Variants in EGF observed in about 807,000 individuals in gnomAD.
EGF encodes pro-epidermal growth factor.
A neutral mutation model predicts 143.8 loss-of-function variants in EGF; 95 were observed. That is an observed-to-expected ratio of 0.66 (90% CI 0.56 to 0.78). EGF has a LOEUF of 0.78. Among genes scored for constraint, EGF ranks in the 30% least tolerant of loss-of-function variants. EGF has a pLI of 0.00. For missense variants in EGF, 1,320 were observed against 1,470.9 expected, an observed-to-expected ratio of 0.90 and a Z score of 1.68; for synonymous variants, 510 against 510.5, an observed-to-expected ratio of 1.00 and a Z score of 0.01.
intron 18 of EGF, among the ~76,000 whole-genome samples, chr4:109,992,169 TTAAAAAAAAA>T (rs1320339758): frequency 3.1e-5 from 2 of 64,100 alleles, no homozygotes; most frequent in African/African-American, 1.4e-4. Context: ...GCAAGATTCT[TTAAAAAAAAA>T]AAAAAAAAAA....
At chr4:109,993,845 C>T (rs1366453326) in intron 19 of EGF, among the ~76,000 whole-genome samples, 1 of 152,176 alleles carries the variant, frequency 6.6e-6, no homozygotes, top group African/African-American at 2.4e-5. Context: ...TTGACTCCTG[C>T]TTCCTGAATC....
chr4:109,963,115 T>A, intron 8 of EGF, 58 bp from the exon 9 acceptor site: 2 of 1,601,280 alleles, frequency 1.2e-6, no homozygotes, highest in South Asian at 1.1e-5. Flanking sequence ...CATCCTTTGA[T>A]GAAAAATAAT....
At chr4:109,984,516 A>G (rs1749849743) in intron 16 of EGF, among the ~76,000 whole-genome samples, 1 of 152,176 alleles carries the variant, frequency 6.6e-6, no homozygotes, top group South Asian at 2.1e-4. Flanking sequence ...TCCCAAGTAT[A>G]TCAAAATCTG....
Position 109,945,146 on chromosome 4 carries a change from A to G in EGF, c.811A>G (p.Ile271Val). Residue 271 changes from isoleucine (I) to valine (V), a missense_variant, in exon 5 of 24, where the codon ATA (isoleucine) becomes GTA (valine). By Grantham distance (29) the Ile-to-Val change is conservative. Coordinates refer to ENST00000265171, the MANE Select transcript of EGF (RefSeq NM_001963.6). The stretch of plus-strand genomic sequence containing the variant: ...AACATGGAAAATGAAGACAATTTGG[A>G]TAGCCAACAAACACACTGGAAAGGA... ...YSTWKMKTIW[I>V]ANKHTGKDMV... 6.2e-7 allele frequency: 1 copy of G among 1,614,144 alleles called. No homozygotes were observed. Among genetic ancestry groups the G allele is most frequent in the South Asian group, 1.1e-5 (1 of 91,082 alleles).
chr4:110,004,231 C>CACACAA, intron 21 of EGF: 1 of 461,892 alleles, frequency 2.2e-6, no homozygotes, highest in Non-Finnish European at 4.0e-6. Flanking sequence ...CACACACACA[C>CACACAA]ACACACACAC....
intron 5 of EGF, 49 bp from the exon 6 acceptor site, chr4:109,959,263 C>T (rs902406324): frequency 1.9e-6 from 3 of 1,612,340 alleles, no homozygotes; most frequent in East Asian, 2.2e-5. Context: ...TTAGCAGTGT[C>T]CTCTGTCAAA....
intron 1 of EGF, among the ~76,000 whole-genome samples, chr4:109,937,249 G>A (rs746494225): frequency 1.3e-5 from 2 of 151,900 alleles, no homozygotes; most frequent in Non-Finnish European, 2.9e-5. Context: ...AGGCTACTTA[G>A]TTCTTCTTGC....
chr4:109,917,517 T>A (rs1167671627), intron 1 of EGF, among the ~76,000 whole-genome samples: 1 of 152,140 alleles, frequency 6.6e-6, no homozygotes, highest in Non-Finnish European at 1.5e-5. Context: ...AATTTCAATT[T>A]TTACTTTACA....
chr4:110,001,826 A>G (rs1223880255), intron 21 of EGF: 1 of 985,246 alleles, frequency 1.0e-6, no homozygotes, highest in South Asian at 4.7e-5. Context: ...GCTCATCAGA[A>G]CCCTTTCTTT....
intron 21 of EGF, among the ~76,000 whole-genome samples, chr4:110,002,960 C>T (rs1348919014): frequency 6.6e-6 from 1 of 152,160 alleles, no homozygotes; most frequent in African/African-American, 2.4e-5. Flanking sequence ...TAATAGCCTC[C>T]AGCTCCATCC....
In EGF at chr4:109,916,226, A is replaced by T. The variant is rs2282782; in HGVS notation, c.127+2764A>T. Among the ~76,000 whole-genome samples, 1,983 of 152,280 alleles carry T rather than the reference A, an allele frequency of 0.013. 208 individuals are homozygous for T. In the East Asian group the frequency reaches 0.23, roughly 18 times the overall value. On this transcript the variant is annotated intron_variant, in intron 1 of 23. Transcript: ENST00000265171. ...CCGGCTAAGGCGTGGTCAGCATCCCAGTCATGTGCAAACCAGAGTAATTCT... is the reference window on the plus strand; with the variant it reads ...CCGGCTAAGGCGTGGTCAGCATCCCTGTCATGTGCAAACCAGAGTAATTCT...
intron 1 of EGF, among the ~76,000 whole-genome samples, chr4:109,918,802 G>A (rs893288323): frequency 1.3e-5 from 2 of 152,150 alleles, no homozygotes; most frequent in Non-Finnish European, 2.9e-5. Context: ...ACATCCCAGC[G>A]CTTCCAACAA....
chr4:109,959,812 CAA>C (rs1745402232), intron 6 of EGF, among the ~76,000 whole-genome samples: 1 of 151,964 alleles, frequency 6.6e-6, no homozygotes, highest in Admixed American at 6.6e-5. Context: ...GTAAGAGTCT[CAA>C]AGAGTCTGTG....
At chr4:109,938,754 T>C (rs925118598) in intron 1 of EGF, among the ~76,000 whole-genome samples, 2 of 152,224 alleles carry the variant, frequency 1.3e-5, no homozygotes, top group Non-Finnish European at 2.9e-5. Context: ...TTTGTTAGTT[T>C]TCCTTCTAAC....
rs1408323525 is a variant in EGF, at chr4:109,976,224, A to G, written c.2042A>G (p.Gln681Arg). Reference protein sequence around the residue: ...LDGSKRRRLTQNDVGHPFAVA... With the variant: ...LDGSKRRRLTRNDVGHPFAVA... ...GGTTCAAAACGCCGAAGACTTACCC[A>G]GAATGATGTAGGTGAGGCTTTGGGA... Residue 681 changes from glutamine (Q) to arginine (R), a missense_variant, in exon 13 of 24, where the codon CAG becomes CGG. By Grantham distance (43) the Gln-to-Arg change is conservative. Coordinates refer to ENST00000265171, the MANE Select transcript of EGF (RefSeq NM_001963.6). 1.2e-6 allele frequency: 2 copies of G among 1,613,920 alleles called. No individual in the cohort carries two copies. Among genetic ancestry groups the G allele is most frequent in the Admixed American group, 3.3e-5 (2 of 59,978 alleles).
At chr4:109,967,638 C>T (rs1053967459) in intron 10 of EGF, among the ~76,000 whole-genome samples, 1 of 152,022 alleles carries the variant, frequency 6.6e-6, no homozygotes, top group East Asian at 1.9e-4. Flanking sequence ...CATTTTTAAA[C>T]AGTCTTATGG....
At chr4:109,950,739 C>A (rs1297882608) in intron 5 of EGF, among the ~76,000 whole-genome samples, 1 of 152,158 alleles carries the variant, frequency 6.6e-6, no homozygotes, top group African/African-American at 2.4e-5. Context: ...TTGCCACCTC[C>A]GTCCCTTCAC....
intron 11 of EGF, among the ~76,000 whole-genome samples, chr4:109,969,500 G>A (rs1253640531): frequency 6.6e-6 from 1 of 152,112 alleles, no homozygotes; most frequent in Non-Finnish European, 1.5e-5. Context: ...AATACCTAAT[G>A]TAGATGACGG....
intron 1 of EGF, chr4:109,940,652 A>AT: frequency 3.1e-6 from 1 of 326,408 alleles, no homozygotes; most frequent in African/African-American, 2.1e-5. Context: ...CTTTTTGAAC[A>AT]TAAAAAGGTA....
Sources: allele counts gnomAD v4.1 joint callset (sites outside exome capture counted in the v4.1 genomes callset), GRCh38; gene constraint gnomAD v4.1.1; transcripts MANE v1.5; gene names NCBI Gene and HGNC (gene_info 2026-07-23, HGNC 2026-07-21).